TNXB: variants seen among roughly 807,000 people sequenced by gnomAD.
TNXB encodes the protein tenascin-X.
TNXB carries 183 observed loss-of-function variants against 340.5 expected under a neutral mutation model. That is an observed-to-expected ratio of 0.54 (90% CI 0.48 to 0.61). TNXB has a LOEUF of 0.61. TNXB is among the 20% of genes least tolerant of loss of function. The pLI is 0.00. For missense variants in TNXB, 4,613 were observed against 5,446.4 expected, an observed-to-expected ratio of 0.85 and a Z score of 4.82; for synonymous variants, 2,121 against 2,314.5, an observed-to-expected ratio of 0.92 and a Z score of 2.40.
At position 32,067,662 on chromosome 6, in the gene TNXB, C is replaced by T. The variant is rs762655326; in HGVS notation, c.6543G>A (p.Thr2181=). The change falls in exon 18 of 44, where the codon ACG becomes ACA. Residue 2181 remains threonine, a splice_region_variant and synonymous_variant. Coordinates refer to ENST00000644971, the MANE Select transcript of TNXB (RefSeq NM_001365276.2). This position sits in a 1 kb window ranked among gnomAD's most constrained non-coding sequence, Gnocchi z 4.2. ...GAGGGCTCTGCAGTGCACACTCACC[C>T]GTGACGCCCACAGCAGACACTGGGC... is the stretch of plus-strand genomic sequence containing the variant. ...RVGPVSAVGV[T]APEEESPDAP... is the part of the protein sequence containing the mutation. The T allele has an allele frequency of 4.0e-5, 64 of 1,612,794 alleles. No homozygotes were observed. The highest frequency in any genetic ancestry group is 1.7e-4 in the Middle Eastern group (1 of 6,050).
Position 32,082,802 on chromosome 6 carries a change from C to T in TNXB, c.3446-476G>A, listed in dbSNP as rs551607309. Among the ~76,000 whole-genome samples, 2 of 152,160 alleles carry T rather than the reference C, an allele frequency of 1.3e-5. No homozygotes were observed. The highest frequency in any genetic ancestry group is 4.8e-5 in the African/African-American group (2 of 41,430). ...CCTCCCTCATCTATGCTGCAGGCCT[C>T]TCCTCCTCTTTGGGAACTTTGACCC... is the stretch of plus-strand genomic sequence containing the variant. On this transcript the variant is annotated intron_variant, in intron 8 of 43. Transcript: ENST00000644971. This position sits in a 1 kb window ranked among gnomAD's most constrained non-coding sequence, Gnocchi z 5.0.
chr6:32,066,208 A>G (rs1778325953), intron 18 of TNXB, among the ~76,000 whole-genome samples: 1 of 152,122 alleles, frequency 6.6e-6, no homozygotes, highest in Non-Finnish European at 1.5e-5. Flanking sequence ...CCTGGGTAAC[A>G]CTGTGAGACC....
Position 32,086,424 on chromosome 6 carries a change from A to G in TNXB, c.2780-306T>C, listed in dbSNP as rs1278201347. Among the ~76,000 whole-genome samples, 5 of 152,172 alleles carry G rather than the reference A, an allele frequency of 3.3e-5. No individual in the cohort carries two copies. The Middle Eastern group carries it at 0.014, about 414-fold the overall frequency. On this transcript the variant is annotated intron_variant, in intron 6 of 43. Transcript: ENST00000644971. ...CGGAGACTTCCATGTCCCTCCCCACATACATCCCCCCCACTGGGTGGTGGT... is the reference window on the plus strand; with the variant it reads ...CGGAGACTTCCATGTCCCTCCCCACGTACATCCCCCCCACTGGGTGGTGGT...
chr6:32,058,028 T>TAC lies in TNXB; in HGVS notation c.7825+29_7825+30insGT. On this transcript the variant is annotated intron_variant, in intron 22 of 43. Coordinates refer to ENST00000644971, the MANE Select transcript of TNXB (RefSeq NM_001365276.2). This position sits in a 1 kb window ranked among gnomAD's most constrained non-coding sequence, Gnocchi z 5.1. ...AAGGGCACATTTTCTAGGGCTGTCTTCCAACCCTGCCCCACCCACACTCAC... is the reference window on the plus strand; with the variant it reads ...AAGGGCACATTTTCTAGGGCTGTCTTACCCAACCCTGCCCCACCCACACTCAC... The TAC allele has an allele frequency of 6.3e-7, 1 of 1,577,116 alleles. No individual in the cohort carries two copies. The highest frequency in any genetic ancestry group is 8.6e-7 in the Non-Finnish European group (1 of 1,162,934).
In TNXB at chr6:32,082,571, C is replaced by T. The variant is rs765242049; in HGVS notation, c.3446-245G>A. On this transcript the variant is annotated intron_variant, in intron 8 of 43. Coordinates refer to ENST00000644971, the MANE Select transcript of TNXB (RefSeq NM_001365276.2). The surrounding 1 kb of genome is among the most constrained non-coding windows in gnomAD (Gnocchi z 5.0). The stretch of plus-strand genomic sequence containing the variant: ...TCTTTCAAACGGCATGGAAGCACTG[C>T]GTGGACTAGTGTGGCTCTGCCTCCA... 1.3e-5 allele frequency among the ~76,000 whole-genome samples: 2 copies of T among 152,098 alleles called. No homozygotes were observed. The highest frequency in any genetic ancestry group is 1.9e-4 in the East Asian group (1 of 5,200).
chr6:32,060,707 C>T (rs769541304), intron 21 of TNXB, among the ~76,000 whole-genome samples: 6 of 151,886 alleles, frequency 4.0e-5, no homozygotes, highest in Non-Finnish European at 5.9e-5. Flanking sequence ...GTGGTGATCT[C>T]GGCTCACTGC....
intron 6 of TNXB, among the ~76,000 whole-genome samples, chr6:32,088,183 C>T (rs113161907): frequency 1.4e-4 from 22 of 152,296 alleles, no homozygotes; most frequent in African/African-American, 4.8e-4. Flanking sequence ...TCCAAGCCCA[C>T]CACTGTTGGT....
chr6:32,057,181 G>A (rs1246549872), intron 22 of TNXB, among the ~76,000 whole-genome samples: 1 of 150,306 alleles, frequency 6.7e-6, no homozygotes, highest in Non-Finnish European at 1.5e-5. Flanking sequence ...AGCCCCACTC[G>A]GCCTCTGCAC....
rs149688037 is a variant in TNXB at position 32,070,875 on chromosome 6, C to T, written c.4991-461G>A. Among the ~76,000 whole-genome samples, 6 of 152,330 alleles carry T rather than the reference C, an allele frequency of 3.9e-5. No homozygotes were observed. Among genetic ancestry groups the T allele is most frequent in the Non-Finnish European group, 8.8e-5 (6 of 68,024 alleles). On this transcript the variant is annotated intron_variant, in intron 13 of 43. Transcript: ENST00000644971. The surrounding 1 kb of genome is among the most constrained non-coding windows in gnomAD (Gnocchi z 6.0). The stretch of plus-strand genomic sequence containing the variant: ...GGCAGGTCAGGGAGGCAGGATGTTA[C>T]GACACAGGTAGTTCTCACCCTTCTC...
intron 18 of TNXB, among the ~76,000 whole-genome samples, chr6:32,065,990 T>C (rs1778315827): frequency 6.6e-6 from 1 of 152,178 alleles, no homozygotes; most frequent in Non-Finnish European, 1.5e-5. Flanking sequence ...TAAAAAGAGA[T>C]ATACCTTTAA....
In TNXB at chr6:32,095,998, G is replaced by A. The variant is rs1351835137; in HGVS notation, c.1855C>T (p.Arg619Cys). The A allele has an allele frequency of 6.2e-7, 1 of 1,612,938 alleles. No homozygotes were observed. The highest frequency in any genetic ancestry group is 8.5e-7 in the Non-Finnish European group (1 of 1,179,770). ...CCGTGGCAGTTGGAGGGGCAGGTGCGGATGCTGCAGTCCTCACTCACGTAG... is the reference window on the plus strand; with the variant it reads ...CCGTGGCAGTTGGAGGGGCAGGTGCAGATGCTGCAGTCCTCACTCACGTAG... ...EGYVSEDCSI[R>C]TCPSNCHGRG... The change falls in exon 3 of 44, where the codon CGC becomes TGC. Residue 619 changes from arginine to cysteine, a missense_variant. Physicochemically the swap from Arg to Cys is radical, Grantham distance 180 (BLOSUM62 -3). Around this residue, in one of 7 missense-constraint regions of TNXB, gnomAD observed 4,327 missense variants for 4,859.4 expected, o/e 0.89. Transcript: ENST00000644971.
At chr6:32,107,002 C>A (rs182504832) in intron 1 of TNXB, among the ~76,000 whole-genome samples, 2 of 152,396 alleles carry the variant, frequency 1.3e-5, no homozygotes, top group East Asian at 3.9e-4. Flanking sequence ...CGTGCACACA[C>A]ACCCAATCTC....
chr6:32,053,650 G>A lies in TNXB; in HGVS notation c.8529C>T (p.Asn2843=), dbSNP rs1246989244. 6.2e-7 allele frequency: 1 copy of A among 1,613,272 alleles called. No individual in the cohort carries two copies. The highest frequency in any genetic ancestry group is 8.5e-7 in the Non-Finnish European group (1 of 1,179,808). Residue 2843 remains asparagine, a synonymous_variant, in exon 25 of 44, where the codon AAC becomes AAT. Transcript: ENST00000644971. The part of the protein sequence containing the change: ...AVPTTTPEPP[N]KPRLGELTVT... ...CGGTCAGCTCCCCGAGGCGAGGCTTGTTGGGGGGCTCAGGGGTTGTGGTGG... is the reference window on the plus strand; with the variant it reads ...CGGTCAGCTCCCCGAGGCGAGGCTTATTGGGGGGCTCAGGGGTTGTGGTGG...
intron 28 of TNXB, 147 bp from the exon 29 acceptor site, chr6:32,048,797 G>A: frequency 1.2e-6 from 1 of 846,020 alleles, no homozygotes; most frequent in Non-Finnish European, 1.6e-6. Flanking sequence ...GCTGTAAGCA[G>A]CTCACAAACA....
At position 32,095,122 on chromosome 6, in the gene TNXB, G is replaced by A. The variant is rs199705832; in HGVS notation, c.2312C>T (p.Pro771Leu). Residue 771 changes from proline (P) to leucine (L), a missense_variant, in exon 4 of 44, where the codon CCG becomes CTG. Coordinates refer to ENST00000644971, the MANE Select transcript of TNXB (RefSeq NM_001365276.2). ...EETTVRTEWT[P>L]APGPVDAYEI... ...ATAGGCATCCACGGGGCCAGGAGCC[G>A]GGGTCCACTCTGTCCGAACTGTTGT... The A allele has an allele frequency of 3.5e-5, 54 of 1,549,352 alleles. No individual in the cohort carries two copies. Among genetic ancestry groups the A allele is most frequent in the East Asian group, 4.9e-5 (2 of 40,986 alleles).
At chr6:32,063,026 T>C (rs1432541803) in intron 19 of TNXB, among the ~76,000 whole-genome samples, 1 of 150,434 alleles carries the variant, frequency 6.6e-6, no homozygotes, top group South Asian at 2.1e-4. Flanking sequence ...CTGCACTCCA[T>C]CCTGGGAGAC....
At position 32,081,931 on chromosome 6, in the gene TNXB, G is replaced by A. The variant is rs1290109546; in HGVS notation, c.3736+105C>T. On this transcript the variant is annotated intron_variant, in intron 9 of 43. Transcript: ENST00000644971. The surrounding 1 kb of genome is among the most constrained non-coding windows in gnomAD (Gnocchi z 5.1). Reference sequence around the variant, plus strand: ...AGCCCTGGAGTGGGGCCGGGAAGCTGGAGTCAGCTGTCTTGCTGGGGGACC... The same window carrying A: ...AGCCCTGGAGTGGGGCCGGGAAGCTAGAGTCAGCTGTCTTGCTGGGGGACC... The A allele has an allele frequency of 8.5e-7, 1 of 1,175,340 alleles. No homozygotes were observed. Among genetic ancestry groups the A allele is most frequent in the Non-Finnish European group, 1.2e-6 (1 of 838,324 alleles). The allele number at this position is 1,175,340 out of a possible 1,614,324, so 72.8% of individuals were successfully genotyped here. A position where few individuals can be genotyped will look rare whatever the true frequency, so the allele number is the denominator to read the frequency against.
rs1299342475 is a variant in TNXB at position 32,056,613 on chromosome 6, C to T, written c.8116G>A (p.Gly2706Ser). The T allele has an allele frequency of 5.0e-6, 8 of 1,612,962 alleles. No individual in the cohort carries two copies. The highest frequency in any genetic ancestry group is 6.8e-6 in the Non-Finnish European group (8 of 1,179,888). Reference sequence around the variant, plus strand: ...GTCACCCCAATGACAGAGATGGGGCCCACGCGCTGGCCACCGTGGAAGCCG... The same window carrying T: ...GTCACCCCAATGACAGAGATGGGGCTCACGCGCTGGCCACCGTGGAAGCCG... ...LYGFHGGQRV[G>S]PISVIGVTAA... The change falls in exon 23 of 44, where the codon GGC (glycine) becomes AGC (serine). Residue 2706 changes from glycine to serine, a missense_variant. By Grantham distance (56) the Gly-to-Ser change is moderately conservative (BLOSUM62 0). This residue lies in a region of TNXB where 4,327 missense variants were observed against 4,859.4 expected (regional missense o/e 0.89). Transcript: ENST00000644971.
intron 3 of TNXB, 73 bp from the exon 4 acceptor site, chr6:32,095,264 C>A: frequency 8.4e-7 from 1 of 1,195,122 alleles, no homozygotes; most frequent in South Asian, 1.3e-5. Flanking sequence ...CCCTTTTACT[C>A]AGGGACATCG....
Sources: gnomAD v4.1 joint callset for allele counts (sites outside exome capture counted in the v4.1 genomes callset) on GRCh38, gnomAD v4.1.1 for gene constraint, gnomAD v4.1.1 regional missense constraint, Gnocchi (gnomAD v3.1) non-coding constraint, MANE v1.5 for transcripts, NCBI Gene and HGNC (gene_info 2026-07-23, HGNC 2026-07-21) for gene names.